The following GSC variants were observed in gnomAD, a reference collection of about 807,000 sequenced individuals.
GSC encodes the protein homeobox protein goosecoid.
GSC carries 13 observed loss-of-function variants against 24.5 expected under a neutral mutation model. The observed-to-expected ratio is 0.53, with a 90% confidence interval of 0.35 to 0.84. The LOEUF is 0.84. Among genes scored for constraint, GSC ranks in the 40% least tolerant of loss-of-function variants. The pLI is 0.01. For missense variants in GSC, 382 were observed against 384.2 expected, an observed-to-expected ratio of 0.99 and a Z score of 0.05; for synonymous variants, 199 against 182.1, an observed-to-expected ratio of 1.09 and a Z score of -0.75.
Position 94,769,900 on chromosome 14 carries a change from T to C in GSC, c.116A>G (p.His39Arg). ...AAAPVVFPAL[H>R]GDSLYGASGG... is the part of the protein sequence containing the mutation. ...GCTGGCGCCGTAGAGCGAGTCCCCG[T>C]GCAGGGCCGGGAAGACGACGGGAGC... Residue 39 changes from histidine (H) to arginine (R), a missense_variant, in exon 1 of 3, where the codon CAC (histidine) becomes CGC (arginine). Coordinates refer to ENST00000238558, the MANE Select transcript of GSC (RefSeq NM_173849.3). 6.6e-7 allele frequency: 1 copy of C among 1,524,438 alleles called. No homozygotes were observed. The highest frequency in any genetic ancestry group is 1.2e-5 in the South Asian group (1 of 83,044). The allele number at this position is 1,524,438 out of a possible 1,614,324, so 94.4% of individuals were successfully genotyped here.
intron 2 of GSC, 57 bp from the exon 3 acceptor site, chr14:94,768,706 C>T (rs1885219366): frequency 2.5e-6 from 4 of 1,599,436 alleles, no homozygotes; most frequent in African/African-American, 1.3e-5. Context: ...CCCCCAGTCC[C>T]GGGGCACCCG....
chr14:94,769,708 A>G lies in GSC; in HGVS notation c.308T>C (p.Val103Ala). The G allele has an allele frequency of 6.9e-7, 1 of 1,446,924 alleles. No homozygotes were observed. The highest frequency in any genetic ancestry group is 1.4e-5 in the South Asian group (1 of 71,158). 89.6% of individuals were successfully genotyped at this position (1,446,924 alleles called of 1,614,324 possible). A position where few individuals can be genotyped will look rare whatever the true frequency, so the allele number is the denominator to read the frequency against. ...GCACTGCTGGGCGCCCAGCGGCGGC[A>G]CGGCCCCGCAGCAGGCCGGGCCCAC... ...APVGPACCGA[V>A]PPLGAQQCSC... The change falls in exon 1 of 3, where the codon GTG (valine) becomes GCG (alanine). Residue 103 changes from valine (V) to alanine (A), a missense_variant. Val to Ala is a moderately conservative substitution (Grantham distance 64). Coordinates refer to ENST00000238558, the MANE Select transcript of GSC (RefSeq NM_173849.3).
rs1483271764 is a variant in GSC, at chr14:94,769,988, TGTC to T, written c.25_27del (p.Asp9del). 1 of 1,560,752 alleles carries T rather than the reference TGTC, an allele frequency of 6.4e-7. No individual in the cohort carries two copies. Among genetic ancestry groups the T allele is most frequent in the Non-Finnish European group, 8.6e-7 (1 of 1,162,354 alleles). ...CAGCGCGGCCGGGCGGCTAGGATGT[TGTC>T]GATGCTGAACATGCTGGCGGGCATC... On this transcript the variant is annotated inframe_deletion, in exon 1 of 3. Transcript: ENST00000238558.
In GSC at chr14:94,768,611, C is replaced by T; in HGVS notation, c.654G>A (p.Gln218=). The T allele has an allele frequency of 6.2e-7, 1 of 1,614,122 alleles. No homozygotes were observed. Among genetic ancestry groups the T allele is most frequent in the Non-Finnish European group, 8.5e-7 (1 of 1,180,046 alleles). The change falls in exon 3 of 3, where the codon CAG becomes CAA. Residue 218 remains glutamine (Q), a synonymous_variant. Transcript: ENST00000238558. The part of the protein sequence containing the change: ...FKNRRAKWRR[Q]KRSSSEESEN... ...CCGACTCCTCTGATGAGGACCGCTT[C>T]TGCCGCCTCCATTTGGCGCGGCGGT...
At chr14:94,768,725 G>A in intron 2 of GSC, 76 bp from the exon 3 acceptor site, 2 of 1,581,942 alleles carry the variant, frequency 1.3e-6, no homozygotes, top group Non-Finnish European at 1.7e-6. Flanking sequence ...CGGGGAGCTT[G>A]GTGTGGCGGC....
intron 2 of GSC, 93 bp from the exon 3 acceptor site, chr14:94,768,742 C>T (rs997328488): frequency 1.2e-5 from 18 of 1,538,274 alleles, no homozygotes; most frequent in Non-Finnish European, 1.2e-5. Context: ...CGGCGGGACA[C>T]CCCGCGCAGG....
At position 94,769,066 on chromosome 14, in the gene GSC, G is replaced by T; in HGVS notation, c.507C>A (p.Asp169Glu). 4 of 1,594,970 alleles carry T rather than the reference G, an allele frequency of 2.5e-6. No individual in the cohort carries two copies. The South Asian group carries it at 4.6e-5, about 18-fold the overall frequency. ...GGTTCTCGAGAGCTTCGAGCTGCTC[G>T]TCAGTGAAGATGGTGCGGTGCCGCC... Reference protein sequence around the residue: ...RKRRHRTIFTDEQLEALENLF... With the variant: ...RKRRHRTIFTEEQLEALENLF... Residue 169 changes from aspartate (D) to glutamate (E), a missense_variant, in exon 2 of 3, where the codon GAC becomes GAA. Physicochemically the swap from Asp to Glu is conservative, Grantham distance 45. Transcript: ENST00000238558.
At chr14:94,768,792 T>G (rs924963398) in intron 2 of GSC, 143 bp from the exon 3 acceptor site, 3 of 1,406,692 alleles carry the variant, frequency 2.1e-6, no homozygotes, top group Non-Finnish European at 2.9e-6. Context: ...CGCTTCCGCG[T>G]TTTCATTCAA....
Position 94,769,735 on chromosome 14 carries a change from G to A in GSC, c.281C>T (p.Pro94Leu), listed in dbSNP as rs574191507. ...GGCCCCGCAGCAGGCCGGGCCCACGGGCGCCGCCTGCACGTGCAGCTGCCC... is the reference window on the plus strand; with the variant it reads ...GGCCCCGCAGCAGGCCGGGCCCACGAGCGCCGCCTGCACGTGCAGCTGCCC... ...FYGQLHVQAA[P>L]VGPACCGAVP... is the part of the protein sequence containing the mutation. The change falls in exon 1 of 3, where the codon CCC (proline) becomes CTC (leucine). Residue 94 changes from proline (P) to leucine (L), a missense_variant. Pro to Leu is a moderately conservative substitution (Grantham distance 98). Transcript: ENST00000238558. The A allele has an allele frequency of 2.1e-5, 31 of 1,443,292 alleles. No individual in the cohort carries two copies. The South Asian group carries it at 4.4e-4, about 20-fold the overall frequency. 89.4% of individuals were successfully genotyped at this position (1,443,292 alleles called of 1,614,324 possible). A position where few individuals can be genotyped will look rare whatever the true frequency, so the allele number is the denominator to read the frequency against.
chr14:94,769,736 G>T lies in GSC; in HGVS notation c.280C>A (p.Pro94Thr). 6.9e-7 allele frequency: 1 copy of T among 1,443,258 alleles called. No individual in the cohort carries two copies. The allele number at this position is 1,443,258 out of a possible 1,614,324, so 89.4% of individuals were successfully genotyped here. A position where few individuals can be genotyped will look rare whatever the true frequency, so the allele number is the denominator to read the frequency against. Residue 94 changes from proline to threonine, a missense_variant, in exon 1 of 3, where the codon CCC (proline) becomes ACC (threonine). By Grantham distance (38) the Pro-to-Thr change is conservative. Coordinates refer to ENST00000238558, the MANE Select transcript of GSC (RefSeq NM_173849.3). Reference protein sequence around the residue: ...FYGQLHVQAAPVGPACCGAVP... With the variant: ...FYGQLHVQAATVGPACCGAVP... ...GCCCCGCAGCAGGCCGGGCCCACGGGCGCCGCCTGCACGTGCAGCTGCCCG... is the reference window on the plus strand; with the variant it reads ...GCCCCGCAGCAGGCCGGGCCCACGGTCGCCGCCTGCACGTGCAGCTGCCCG...
Position 94,770,019 on chromosome 14 carries a change from C to A in GSC, c.-4G>T. The A allele has an allele frequency of 6.5e-7, 1 of 1,548,474 alleles. No homozygotes were observed. The highest frequency in any genetic ancestry group is 1.9e-5 in the Admixed American group (1 of 52,946). ...TGCTGAACATGCTGGCGGGCATCCC[C>A]GAGCCCCGCGTCGGGACCGGGGGGC... On this transcript the variant is annotated 5_prime_UTR_variant, in exon 1 of 3. Transcript: ENST00000238558.
chr14:94,770,101 C>G lies in GSC; in HGVS notation c.-86G>C. The G allele has an allele frequency of 7.6e-7, 1 of 1,319,490 alleles. No homozygotes were observed. The highest frequency in any genetic ancestry group is 1.0e-6 in the Non-Finnish European group (1 of 982,172). 81.7% of individuals were successfully genotyped at this position (1,319,490 alleles called of 1,614,324 possible). On this transcript the variant is annotated 5_prime_UTR_variant, in exon 1 of 3. Coordinates refer to ENST00000238558, the MANE Select transcript of GSC (RefSeq NM_173849.3). ...GTGGGGGGGTCCACTCTCCTCCAGC[C>G]GCCGACCAAACCGAAAGAGAGCGCC...
In GSC at chr14:94,768,547, C is replaced by T; in HGVS notation, c.718G>A (p.Ala240Thr). The stretch of plus-strand genomic sequence containing the variant: ...TCCTCTTCCCTCTTCTCCGGTGACG[C>T]CTTCGACGACGACGTCTTGTTCCAC... ...EKWNKTSSSK[A>T]SPEKREEEGK... The change falls in exon 3 of 3, where the codon GCG becomes ACG. Residue 240 changes from alanine to threonine, a missense_variant. Physicochemically the swap from Ala to Thr is moderately conservative, Grantham distance 58. Transcript: ENST00000238558. 3.1e-6 allele frequency: 5 copies of T among 1,614,210 alleles called. No homozygotes were observed. Among genetic ancestry groups the T allele is most frequent in the Non-Finnish European group, 4.2e-6 (5 of 1,180,036 alleles).
At chr14:94,768,746 G>T (rs1200615680) in intron 2 of GSC, 97 bp from the exon 3 acceptor site, 2 of 1,526,094 alleles carry the variant, frequency 1.3e-6, no homozygotes, top group Non-Finnish European at 1.8e-6. Flanking sequence ...GGGACACCCC[G>T]CGCAGGCCAA....
Position 94,769,085 on chromosome 14 carries a change from T to G in GSC, c.488A>C (p.His163Pro). 1 of 1,591,948 alleles carries G rather than the reference T, an allele frequency of 6.3e-7. No individual in the cohort carries two copies. Among genetic ancestry groups the G allele is most frequent in the Non-Finnish European group, 8.5e-7 (1 of 1,170,200 alleles). Residue 163 changes from histidine (H) to proline (P), a missense_variant, in exon 2 of 3, where the codon CAC (histidine) becomes CCC (proline). Coordinates refer to ENST00000238558, the MANE Select transcript of GSC (RefSeq NM_173849.3). Reference protein sequence around the residue: ...NQLHCRRKRRHRTIFTDEQLE... With the variant: ...NQLHCRRKRRPRTIFTDEQLE... ...CTGCTCGTCAGTGAAGATGGTGCGG[T>G]GCCGCCGCTTCCGCCGACAGTGCAG...
At chr14:94,769,563 G>C in intron 1 of GSC, 98 bp downstream of exon 1, 1 of 1,384,242 alleles carries the variant, frequency 7.2e-7, no homozygotes, top group Admixed American at 3.3e-5. Context: ...GGGGGGAGTT[G>C]CAAGAGGAGC....
At position 94,769,929 on chromosome 14, in the gene GSC, C is replaced by T; in HGVS notation, c.87G>A (p.Ala29=). 1 of 1,538,646 alleles carries T rather than the reference C, an allele frequency of 6.5e-7. No homozygotes were observed. The highest frequency in any genetic ancestry group is 8.7e-7 in the Non-Finnish European group (1 of 1,150,294). ...KDSVLPVAHS[A]AAPVVFPALH... The stretch of plus-strand genomic sequence containing the variant: ...GGGCCGGGAAGACGACGGGAGCCGC[C>T]GCGCTGTGCGCCACCGGCAACACCG... The change falls in exon 1 of 3, where the codon GCG becomes GCA. Residue 29 remains alanine (A), a synonymous_variant. Coordinates refer to ENST00000238558, the MANE Select transcript of GSC (RefSeq NM_173849.3).
At position 94,769,844 on chromosome 14, in the gene GSC, A is replaced by G; in HGVS notation, c.172T>C (p.Tyr58His). Reference protein sequence around the residue: ...GGASSDYGAFYPRPVAPGGAG... With the variant: ...GGASSDYGAFHPRPVAPGGAG... ...CCGCCGGGGGCCACGGGGCGCGGGTAGAAGGCGCCATAGTCCGAGGAGGCG... is the reference window on the plus strand; with the variant it reads ...CCGCCGGGGGCCACGGGGCGCGGGTGGAAGGCGCCATAGTCCGAGGAGGCG... Residue 58 changes from tyrosine to histidine, a missense_variant, in exon 1 of 3, where the codon TAC becomes CAC. Coordinates refer to ENST00000238558, the MANE Select transcript of GSC (RefSeq NM_173849.3). The G allele has an allele frequency of 6.9e-7, 1 of 1,450,214 alleles. No individual in the cohort carries two copies. Among genetic ancestry groups the G allele is most frequent in the Non-Finnish European group, 9.0e-7 (1 of 1,112,320 alleles). 89.8% of individuals were successfully genotyped at this position (1,450,214 alleles called of 1,614,324 possible). A position where few individuals can be genotyped will look rare whatever the true frequency, so the allele number is the denominator to read the frequency against.
At position 94,770,027 on chromosome 14, in the gene GSC, G is replaced by A; in HGVS notation, c.-12C>T. 1 of 1,545,766 alleles carries A rather than the reference G, an allele frequency of 6.5e-7. No homozygotes were observed. Among genetic ancestry groups the A allele is most frequent in the Non-Finnish European group, 8.7e-7 (1 of 1,154,166 alleles). On this transcript the variant is annotated 5_prime_UTR_variant, in exon 1 of 3. Transcript: ENST00000238558. ...ATGCTGGCGGGCATCCCCGAGCCCCGCGTCGGGACCGGGGGGCGGCGGGAA... is the reference window on the plus strand; with the variant it reads ...ATGCTGGCGGGCATCCCCGAGCCCCACGTCGGGACCGGGGGGCGGCGGGAA...
Sources: gnomAD v4.1 joint callset for allele counts on GRCh38, gnomAD v4.1.1 for gene constraint, MANE v1.5 for transcripts, NCBI Gene and HGNC (gene_info 2026-07-23, HGNC 2026-07-21) for gene names.